MOB3B: variants seen among roughly 807,000 people sequenced by gnomAD.
The protein encoded by MOB3B is MOB kinase activator-like 2B.
Under a neutral mutation model 18.7 loss-of-function variants are expected in MOB3B, and 7 were observed. That is an observed-to-expected ratio of 0.37 (90% CI 0.21 to 0.70). MOB3B has a LOEUF of 0.70. MOB3B is among the 30% of genes least tolerant of loss of function. MOB3B has a pLI of 0.52. For missense variants in MOB3B, 253 were observed against 281.3 expected (o/e 0.90, Z 0.72); for synonymous variants, 111 against 99.9 (o/e 1.11, Z -0.66).
chr9:27,528,881 CAAAG>C (rs1820483632), intron 1 of MOB3B, among the ~76,000 whole-genome samples: 1 of 152,014 alleles, frequency 6.6e-6, no homozygotes, highest in South Asian at 2.1e-4. Context: ...AAGGGGCAAT[CAAAG>C]AAAACTTGAA....
chr9:27,417,159 C>A (rs1174954594), intron 2 of MOB3B, among the ~76,000 whole-genome samples: 1 of 151,990 alleles, frequency 6.6e-6, no homozygotes. Context: ...GTGAGGAGAT[C>A]GAGACCATCC....
intron 2 of MOB3B, among the ~76,000 whole-genome samples, chr9:27,450,052 T>A (rs1049338076): frequency 1.3e-5 from 2 of 151,956 alleles, no homozygotes; most frequent in Non-Finnish European, 2.9e-5. Context: ...ACATCCCATG[T>A]CTGAGAAGAT....
At chr9:27,361,383 G>A (rs887660408) in intron 2 of MOB3B, among the ~76,000 whole-genome samples, 10 of 152,090 alleles carry the variant, frequency 6.6e-5, no homozygotes, top group African/African-American at 2.4e-4. Context: ...CTCTTCAGTG[G>A]CACAGAGACA....
intron 1 of MOB3B, among the ~76,000 whole-genome samples, chr9:27,472,372 C>T (rs1184512538): frequency 1.3e-5 from 2 of 152,120 alleles, no homozygotes; most frequent in East Asian, 3.9e-4. Context: ...TGGAAAACAA[C>T]ATCTGCCACA....
chr9:27,421,508 C>G (rs886656511), intron 2 of MOB3B: 1 of 152,356 alleles, frequency 6.6e-6, no homozygotes, highest in Non-Finnish European at 1.5e-5. Flanking sequence ...TTTCAAACCA[C>G]GCAGTTCTCT....
At chr9:27,518,774 G>A (rs75402918) in intron 1 of MOB3B, among the ~76,000 whole-genome samples, 4,938 of 152,264 alleles carry the variant, frequency 0.032, 108 homozygotes, top group Middle Eastern at 0.065. Context: ...GTGGTGGAGA[G>A]GAATGGTCTT....
At chr9:27,446,412 T>G (rs976292731) in intron 2 of MOB3B, among the ~76,000 whole-genome samples, 1 of 152,220 alleles carries the variant, frequency 6.6e-6, no homozygotes, top group Non-Finnish European at 1.5e-5. Flanking sequence ...GTGAAATGCC[T>G]TCTAAAGTTC....
chr9:27,366,604 G>A (rs1041203873), intron 2 of MOB3B, among the ~76,000 whole-genome samples: 9 of 152,186 alleles, frequency 5.9e-5, no homozygotes, highest in African/African-American at 1.7e-4. Context: ...AGACTGGGGG[G>A]TGGGGATGTG....
chr9:27,463,758 C>T (rs757695354), intron 1 of MOB3B, among the ~76,000 whole-genome samples: 2 of 151,672 alleles, frequency 1.3e-5, no homozygotes, highest in African/African-American at 4.8e-5. Flanking sequence ...CCCAGGAGTT[C>T]GAGACCAGCC....
intron 1 of MOB3B, among the ~76,000 whole-genome samples, chr9:27,496,914 G>A (rs957034717): frequency 3.3e-5 from 5 of 152,180 alleles, no homozygotes; most frequent in Non-Finnish European, 5.9e-5. Flanking sequence ...AGAAGAGTTG[G>A]TTTTCCATTC....
chr9:27,529,020 G>T (rs1017373977), intron 1 of MOB3B, among the ~76,000 whole-genome samples: 1 of 152,154 alleles, frequency 6.6e-6, no homozygotes, highest in African/African-American at 2.4e-5. Context: ...CCTCCGTGAG[G>T]CATCGTCAGC....
At chr9:27,398,855 T>C (rs1362678377) in intron 2 of MOB3B, among the ~76,000 whole-genome samples, 1 of 152,164 alleles carries the variant, frequency 6.6e-6, no homozygotes, top group Non-Finnish European at 1.5e-5. Flanking sequence ...ACTCAAAAGG[T>C]ATATACAATT....
In MOB3B at chr9:27,330,453, G is replaced by C; in HGVS notation, c.*134C>G. 8.9e-7 allele frequency: 1 copy of C among 1,124,164 alleles called. No homozygotes were observed. The allele number at this position is 1,124,164 out of a possible 1,614,324, so 69.6% of individuals were successfully genotyped here. A position where few individuals can be genotyped will look rare whatever the true frequency, so the allele number is the denominator to read the frequency against. On this transcript the variant is annotated 3_prime_UTR_variant, in exon 4 of 4. Transcript: ENST00000262244. ...AAAGTGAGTGGGGAATGTCTCTCAG[G>C]AGTCACTGCTTGCCTCCACCTCTGC...
At chr9:27,406,629 C>T (rs1485956548) in intron 2 of MOB3B, among the ~76,000 whole-genome samples, 3 of 152,170 alleles carry the variant, frequency 2.0e-5, no homozygotes, top group Non-Finnish European at 4.4e-5. Context: ...CAAGAACATA[C>T]ATTGGGAAGG....
At chr9:27,456,552 T>G (rs558954642) in intron 1 of MOB3B, among the ~76,000 whole-genome samples, 10 of 152,340 alleles carry the variant, frequency 6.6e-5, no homozygotes, top group Admixed American at 6.5e-4. Flanking sequence ...TTGGGATCCA[T>G]TCACATTTCC....
chr9:27,333,170 A>G (rs1820812267), intron 3 of MOB3B, among the ~76,000 whole-genome samples: 1 of 152,170 alleles, frequency 6.6e-6, no homozygotes, highest in Non-Finnish European at 1.5e-5. Flanking sequence ...ATTCAAGGTC[A>G]CTGAGATGCA....
intron 1 of MOB3B, among the ~76,000 whole-genome samples, chr9:27,460,447 T>C (rs527651561): frequency 3.0e-4 from 46 of 152,110 alleles, no homozygotes; most frequent in Non-Finnish European, 1.5e-4. Flanking sequence ...GCAAGGAAAG[T>C]TCTAATTTTT....
At chr9:27,387,592 AT>A (rs1277707354) in intron 2 of MOB3B, among the ~76,000 whole-genome samples, 5 of 152,250 alleles carry the variant, frequency 3.3e-5, no homozygotes, top group African/African-American at 1.2e-4. Flanking sequence ...TACTATTATT[AT>A]CATTATCATA....
chr9:27,417,004 T>A (rs976086906), intron 2 of MOB3B, among the ~76,000 whole-genome samples: 2 of 152,136 alleles, frequency 1.3e-5, no homozygotes, highest in East Asian at 3.9e-4. Flanking sequence ...ACAATGTTAT[T>A]GGGATTTTAG....
Sources: allele counts gnomAD v4.1 joint callset (sites outside exome capture counted in the v4.1 genomes callset), GRCh38; gene constraint gnomAD v4.1.1; transcripts MANE v1.5; gene names NCBI Gene and HGNC (gene_info 2026-07-23, HGNC 2026-07-21).